The following CIPC variants were observed in gnomAD, a reference collection of about 807,000 sequenced individuals.
The protein encoded by CIPC is CLOCK interacting pacemaker, also known as CLOCK-interacting pacemaker.
In CIPC, 12 loss-of-function variants were observed where a neutral mutation model predicts 26.7. That is an observed-to-expected ratio of 0.45 (90% CI 0.29 to 0.73). The LOEUF is 0.73. Among genes scored for constraint, CIPC ranks in the 30% least tolerant of loss-of-function variants. CIPC has a pLI of 0.12. For missense variants in CIPC, 417 were observed against 486.5 expected (o/e 0.86, Z 1.34); for synonymous variants, 170 against 189.8 (o/e 0.90, Z 0.86).
chr14:77,113,992 C>G lies in CIPC; in HGVS notation c.874C>G (p.Pro292Ala), dbSNP rs200854666. ...LSPLSANYSS[P>A]LWAAEHLCRS... is the part of the protein sequence containing the mutation. ...ACCACTGTCCGCTAATTATAGCTCA[C>G]CTTTATGGGCTGCAGAGCACCTCTG... Residue 292 changes from proline to alanine, a missense_variant, in exon 4 of 4, where the codon CCT (proline) becomes GCT (alanine). Transcript: ENST00000361786. 1.5e-4 allele frequency: 243 copies of G among 1,614,248 alleles called. No individual in the cohort carries two copies. The Middle Eastern group carries it at 3.0e-3, about 20-fold the overall frequency.
Position 77,115,120 on chromosome 14 carries a change from G to T in CIPC, c.*802G>T, listed in dbSNP as rs891245906. 1.3e-5 allele frequency: 2 copies of T among 152,174 alleles called. No homozygotes were observed. The highest frequency in any genetic ancestry group is 4.8e-5 in the African/African-American group (2 of 41,430). 9.4% of individuals were successfully genotyped at this position (152,174 alleles called of 1,614,324 possible). ...CATGGTCAGGAGCTGGACGATTCTG[G>T]TAACTTAGGCTTTTTTTCTCTCTTC... On this transcript the variant is annotated 3_prime_UTR_variant, in exon 4 of 4. Transcript: ENST00000361786.
chr14:77,099,314 G>C (rs540042579), intron 1 of CIPC: 13 of 152,332 alleles, frequency 8.5e-5, no homozygotes, highest in Middle Eastern at 3.4e-3. Context: ...CTAAAACATA[G>C]GAAATTGTAT....
At chr14:77,106,323 A>C (rs1374072569) in intron 2 of CIPC, among the ~76,000 whole-genome samples, 1 of 151,724 alleles carries the variant, frequency 6.6e-6, no homozygotes. Context: ...GCCTCCAACA[A>C]CCCCTCCCCC....
intron 2 of CIPC, among the ~76,000 whole-genome samples, chr14:77,106,810 C>T (rs1257853629): frequency 1.3e-5 from 2 of 152,146 alleles, no homozygotes; most frequent in Non-Finnish European, 2.9e-5. Flanking sequence ...GACCGTTGCT[C>T]AAAGAGGAAC....
chr14:77,100,943 C>T (rs867001970), intron 1 of CIPC, among the ~76,000 whole-genome samples: 2 of 152,192 alleles, frequency 1.3e-5, no homozygotes, highest in African/African-American at 4.8e-5. Context: ...GTTACATATA[C>T]ATGCATAAGA....
rs1328811326 is a variant in CIPC at position 77,109,861 on chromosome 14, C to T, written c.186C>T (p.Asp62=). The change falls in exon 3 of 4, where the codon GAC becomes GAT. Residue 62 remains aspartate (D), a synonymous_variant. Coordinates refer to ENST00000361786, the MANE Select transcript of CIPC (RefSeq NM_033426.3). The stretch of plus-strand genomic sequence containing the variant: ...CTGCAGAGCAGATGGAGTCCGAGGA[C>T]ATGCTGAGCGCCTTAGGCTGGAGCA... ...LSSAEQMESE[D]MLSALGWSRE... is the part of the protein sequence containing the mutation. 6 of 1,614,212 alleles carry T rather than the reference C, an allele frequency of 3.7e-6. No homozygotes were observed. Among genetic ancestry groups the T allele is most frequent in the Non-Finnish European group, 5.1e-6 (6 of 1,180,036 alleles).
intron 2 of CIPC, among the ~76,000 whole-genome samples, chr14:77,107,204 G>C (rs189653546): frequency 1.1e-4 from 17 of 152,268 alleles, no homozygotes; most frequent in Admixed American, 7.2e-4. Context: ...AGCTTGGACA[G>C]GTAGGAAAGC....
chr14:77,114,603 A>G lies in CIPC; in HGVS notation c.*285A>G. 1 of 349,998 alleles carries G rather than the reference A, an allele frequency of 2.9e-6. No homozygotes were observed. The highest frequency in any genetic ancestry group is 5.3e-6 in the Non-Finnish European group (1 of 190,366). 21.7% of individuals were successfully genotyped at this position (349,998 alleles called of 1,614,324 possible). A position where few individuals can be genotyped will look rare whatever the true frequency, so the allele number is the denominator to read the frequency against. ...AATGGATCATGGGGCAAAGCAGGAG[A>G]TGATTGTGTGGGGCTCTTCCTGCTG... On this transcript the variant is annotated 3_prime_UTR_variant, in exon 4 of 4. Transcript: ENST00000361786.
At chr14:77,112,341 A>G (rs906091526) in intron 3 of CIPC, among the ~76,000 whole-genome samples, 4 of 152,200 alleles carry the variant, frequency 2.6e-5, no homozygotes, top group African/African-American at 9.6e-5. Flanking sequence ...TTAAAAAATA[A>G]TGTATAATTG....
Position 77,116,734 on chromosome 14 carries a change from T to C in CIPC, c.*2416T>C, listed in dbSNP as rs920782367. On this transcript the variant is annotated 3_prime_UTR_variant, in exon 4 of 4. Transcript: ENST00000361786. ...GGAGCTGTAAGCAGATGAACCCAAG[T>C]AGAGAAGATAGATCTTGGAAGGAGA... 6.6e-6 allele frequency: 1 copy of C among 152,108 alleles called. No individual in the cohort carries two copies. The highest frequency in any genetic ancestry group is 1.5e-5 in the Non-Finnish European group (1 of 68,028). 9.4% of individuals were successfully genotyped at this position (152,108 alleles called of 1,614,324 possible).
chr14:77,099,959 C>G (rs1886444856), intron 1 of CIPC: 1 of 152,166 alleles, frequency 6.6e-6, no homozygotes, highest in African/African-American at 2.4e-5. Context: ...TCAAGCTGTT[C>G]AGGTATTTCT....
intron 1 of CIPC, among the ~76,000 whole-genome samples, chr14:77,099,406 T>TC (rs56265837): frequency 0.41 from 62,549 of 151,730 alleles, 13,606 homozygotes; most frequent in East Asian, 0.65. Flanking sequence ...AGATGAATAT[T>TC]AGACATTTAG....
intron 1 of CIPC, among the ~76,000 whole-genome samples, chr14:77,100,740 T>C (rs925686746): frequency 1.3e-4 from 19 of 151,722 alleles, no homozygotes; most frequent in African/African-American, 4.6e-4. Context: ...AGCTAATTTT[T>C]GTATTTTTAG....
chr14:77,106,006 C>T, intron 2 of CIPC, 162 bp downstream of exon 2: 2 of 693,600 alleles, frequency 2.9e-6, no homozygotes, highest in East Asian at 3.0e-5. Flanking sequence ...TGTCAGGGTA[C>T]CCATCAAAGT....
intron 2 of CIPC, among the ~76,000 whole-genome samples, chr14:77,108,614 C>T (rs1431918588): frequency 6.6e-6 from 1 of 151,962 alleles, no homozygotes; most frequent in Non-Finnish European, 1.5e-5. Flanking sequence ...CCGCTTGAAC[C>T]CGGGAGGCAG....
chr14:77,105,750 C>G lies in CIPC; in HGVS notation c.42C>G (p.Leu14=). The change falls in exon 2 of 4, where the codon CTC becomes CTG. Residue 14 remains leucine (L), a synonymous_variant. Coordinates refer to ENST00000361786, the MANE Select transcript of CIPC (RefSeq NM_033426.3). Reference sequence around the variant, plus strand: ...CATCCAGAGAGAGCCCCAGAAGACTCTCTGCCAAAGTAGGCAAAGGCACAG... The same window carrying G: ...CATCCAGAGAGAGCCCCAGAAGACTGTCTGCCAAAGTAGGCAAAGGCACAG... ...KNPSRESPRR[L]SAKVGKGTEM... 1.9e-6 allele frequency: 3 copies of G among 1,614,166 alleles called. No homozygotes were observed. Among genetic ancestry groups the G allele is most frequent in the Non-Finnish European group, 2.5e-6 (3 of 1,180,004 alleles).
chr14:77,112,472 T>C (rs1158875379), intron 3 of CIPC, among the ~76,000 whole-genome samples: 3 of 152,224 alleles, frequency 2.0e-5, no homozygotes, highest in Non-Finnish European at 4.4e-5. Flanking sequence ...TTTTTTCGAC[T>C]TTCTAAGCCT....
intron 2 of CIPC, 48 bp from the exon 3 acceptor site, chr14:77,109,764 G>C (rs751723034): frequency 6.5e-7 from 1 of 1,539,760 alleles, no homozygotes; most frequent in Non-Finnish European, 8.8e-7. Context: ...CTGGTTAAGA[G>C]CCCCTAGTCT....
chr14:77,108,300 T>A lies in CIPC; in HGVS notation c.137-1512T>A, dbSNP rs137920904. Among the ~76,000 whole-genome samples the A allele has an allele frequency of 3.3e-5, 5 of 152,338 alleles. No individual in the cohort carries two copies. The East Asian group carries it at 9.6e-4, about 29-fold the overall frequency. ...TAATAAGTAATTTATGGGATAATAC[T>A]TTATAATTGTGTGACTATCCTATTC... On this transcript the variant is annotated intron_variant, in intron 2 of 3. Transcript: ENST00000361786.
Sources: allele counts gnomAD v4.1 joint callset (sites outside exome capture counted in the v4.1 genomes callset), GRCh38; gene constraint gnomAD v4.1.1; transcripts MANE v1.5; gene names NCBI Gene and HGNC (gene_info 2026-07-23, HGNC 2026-07-21).